The following KLRF2 variants were observed in gnomAD, a reference collection of about 807,000 sequenced individuals.
KLRF2 encodes the protein killer cell lectin-like receptor subfamily F member 2.
In KLRF2, 28 loss-of-function variants were observed where a neutral mutation model predicts 25.3. That is an observed-to-expected ratio of 1.11 (90% CI 0.82 to 1.52). KLRF2 has a LOEUF of 1.52. Among genes scored for constraint, KLRF2 ranks in the 40% most tolerant of loss-of-function variants. The probability of loss-of-function intolerance (pLI) is 0.00; values close to 1 mark genes in which losing one functional copy is unlikely to be tolerated. For missense variants in KLRF2, 265 were observed against 245.8 expected, an observed-to-expected ratio of 1.08 and a Z score of -0.52; for synonymous variants, 73 against 85.0, an observed-to-expected ratio of 0.86 and a Z score of 0.78.
rs1211492206 is a variant in KLRF2 at position 9,881,662 on chromosome 12, A to G, written c.67A>G (p.Lys23Glu). The part of the protein sequence containing the change: ...KNRCKSKQKS[K>E]DFSLYPQYYC... ...TCGTTGTAAATCGAAGCAGAAATCT[A>G]AAGGTAGGAATACTGCTCCCCATCA... The change falls in exon 1 of 6, where the codon AAA becomes GAA. Residue 23 changes from lysine (K) to glutamate (E), a missense_variant. Lys to Glu is a moderately conservative substitution (Grantham distance 56). Transcript: ENST00000535540. The G allele has an allele frequency of 6.5e-7, 1 of 1,533,446 alleles. No individual in the cohort carries two copies. Among genetic ancestry groups the G allele is most frequent in the Non-Finnish European group, 8.7e-7 (1 of 1,144,690 alleles). 95.0% of individuals were successfully genotyped at this position (1,533,446 alleles called of 1,614,324 possible). A position where few individuals can be genotyped will look rare whatever the true frequency, so the allele number is the denominator to read the frequency against.
In KLRF2 at chr12:9,895,814, A is replaced by G. The variant is rs1221479521; in HGVS notation, c.605A>G (p.Asn202Ser). ...CAGAGAGATGCGATCTTGACGCACAATGGAACCAGTGGTGTGTAAATGTAC... is the reference window on the plus strand; with the variant it reads ...CAGAGAGATGCGATCTTGACGCACAGTGGAACCAGTGGTGTGTAAATGTAC... ...ICQRDAILTH[N>S]GTSGV Residue 202 changes from asparagine to serine, a missense_variant, in exon 6 of 6, where the codon AAT becomes AGT. Transcript: ENST00000535540. The G allele has an allele frequency of 5.9e-6, 9 of 1,534,998 alleles. No individual in the cohort carries two copies. Among genetic ancestry groups the G allele is most frequent in the African/African-American group, 1.4e-5 (1 of 72,970 alleles).
At chr12:9,885,399 T>C (rs1322690055) in intron 2 of KLRF2, among the ~76,000 whole-genome samples, 1 of 151,884 alleles carries the variant, frequency 6.6e-6, no homozygotes, top group Non-Finnish European at 1.5e-5. Flanking sequence ...ACTTTTTTCT[T>C]CCTGAAGTGG....
rs1407073781 is a variant in KLRF2 at position 9,882,881 on chromosome 12, T to C, written c.70+1216T>C. Among the ~76,000 whole-genome samples the C allele has an allele frequency of 4.6e-5, 7 of 152,208 alleles. No individual in the cohort carries two copies. In the East Asian group the frequency reaches 1.3e-3, roughly 29 times the overall value. ...CTTCTTAAATCTCAATACTTTGATA[T>C]ATAATAAGAAAAATCTACCTGATGA... On this transcript the variant is annotated intron_variant, in intron 1 of 5. Transcript: ENST00000535540.
chr12:9,888,716 C>T lies in KLRF2; in HGVS notation c.170-17C>T. The T allele has an allele frequency of 2.1e-6, 3 of 1,415,466 alleles. No individual in the cohort carries two copies. Among genetic ancestry groups the T allele is most frequent in the Non-Finnish European group, 2.9e-6 (3 of 1,038,410 alleles). The allele number at this position is 1,415,466 out of a possible 1,614,324, so 87.7% of individuals were successfully genotyped here. On this transcript the variant is annotated splice_polypyrimidine_tract_variant and intron_variant, in intron 2 of 5. Transcript: ENST00000535540. ...TTTTTAAATGTTTCTCATATCTTTT[C>T]TTTGCACTGAGTACAGATAAAAAAA...
chr12:9,881,631 C>A lies in KLRF2; in HGVS notation c.36C>A (p.Phe12Leu). ...ENEDGYMTLS[F>L]KNRCKSKQKS... ...AAGATGGGTATATGACGCTGAGTTTCAAGAATCGTTGTAAATCGAAGCAGA... is the reference window on the plus strand; with the variant it reads ...AAGATGGGTATATGACGCTGAGTTTAAAGAATCGTTGTAAATCGAAGCAGA... The change falls in exon 1 of 6, where the codon TTC (phenylalanine) becomes TTA (leucine). Residue 12 changes from phenylalanine to leucine, a missense_variant. By Grantham distance (22) the Phe-to-Leu change is conservative. Coordinates refer to ENST00000535540, the MANE Select transcript of KLRF2 (RefSeq NM_001190765.1). 6.5e-7 allele frequency: 1 copy of A among 1,535,572 alleles called. No individual in the cohort carries two copies. Among genetic ancestry groups the A allele is most frequent in the Non-Finnish European group, 8.7e-7 (1 of 1,146,534 alleles).
intron 3 of KLRF2, among the ~76,000 whole-genome samples, chr12:9,890,557 C>T (rs918661811): frequency 6.6e-5 from 10 of 152,156 alleles, no homozygotes; most frequent in Non-Finnish European, 1.5e-4. Context: ...TACACCCTCC[C>T]GAAACATGGA....
chr12:9,889,434 G>T (rs988262912), intron 3 of KLRF2, among the ~76,000 whole-genome samples: 3 of 152,060 alleles, frequency 2.0e-5, no homozygotes, highest in African/African-American at 7.2e-5. Context: ...AAAGTGGGTG[G>T]ATCTTATCCA....
intron 2 of KLRF2, among the ~76,000 whole-genome samples, chr12:9,885,594 A>C (rs1862585283): frequency 6.6e-6 from 1 of 151,974 alleles, no homozygotes; most frequent in South Asian, 2.1e-4. Context: ...GTCCTAAAGC[A>C]ACTTCTGTAG....
At chr12:9,891,671 A>T (rs1862677531) in intron 3 of KLRF2, among the ~76,000 whole-genome samples, 1 of 151,934 alleles carries the variant, frequency 6.6e-6, no homozygotes, top group Non-Finnish European at 1.5e-5. Flanking sequence ...AATCTTTTCA[A>T]TTTTTTTTAA....
rs7308413 is a variant in KLRF2 at position 9,888,700 on chromosome 12, G to A, written c.170-33G>A. The A allele has an allele frequency of 3.2e-3, 4,130 of 1,274,268 alleles. 110 individuals are homozygous for A. In the African/African-American group the frequency reaches 0.054, roughly 17 times the overall value. The allele number at this position is 1,274,268 out of a possible 1,614,324, so 78.9% of individuals were successfully genotyped here. ...CCTAGATTGCTATTGATTTTTAAAT[G>A]TTTCTCATATCTTTTCTTTGCACTG... On this transcript the variant is annotated intron_variant, in intron 2 of 5. Transcript: ENST00000535540.
intron 2 of KLRF2, among the ~76,000 whole-genome samples, chr12:9,887,259 A>G (rs1318597785): frequency 1.3e-5 from 2 of 152,196 alleles, no homozygotes; most frequent in Admixed American, 6.5e-5. Flanking sequence ...AAAAACAGAT[A>G]ATACATAGAA....
rs1188653380 is a variant in KLRF2, at chr12:9,881,681, C to T, written c.70+16C>T. The T allele has an allele frequency of 6.6e-7, 1 of 1,513,460 alleles. No homozygotes were observed. Among genetic ancestry groups the T allele is most frequent in the Non-Finnish European group, 8.9e-7 (1 of 1,127,440 alleles). 93.8% of individuals were successfully genotyped at this position (1,513,460 alleles called of 1,614,324 possible). A position where few individuals can be genotyped will look rare whatever the true frequency, so the allele number is the denominator to read the frequency against. On this transcript the variant is annotated intron_variant, in intron 1 of 5. Transcript: ENST00000535540. ...AAATCTAAAGGTAGGAATACTGCTC[C>T]CCATCACCGCATTTAAAATTTCATT...
At chr12:9,882,823 C>T (rs1005611077) in intron 1 of KLRF2, among the ~76,000 whole-genome samples, 3 of 152,082 alleles carry the variant, frequency 2.0e-5, no homozygotes, top group Admixed American at 6.6e-5. Flanking sequence ...AGCCCACAGA[C>T]TAAATGTATG....
intron 5 of KLRF2, 102 bp from the exon 6 acceptor site, chr12:9,895,587 G>T: frequency 9.3e-7 from 1 of 1,075,684 alleles, no homozygotes; most frequent in East Asian, 2.8e-5. Context: ...CAAAACTTTG[G>T]CTGCTGAAGA....
Position 9,895,671 on chromosome 12 carries a change from C to T in KLRF2, c.480-18C>T, listed in dbSNP as rs2137007083. The T allele has an allele frequency of 2.7e-6, 4 of 1,498,038 alleles. No individual in the cohort carries two copies. The African/African-American group carries it at 5.7e-5, about 21-fold the overall frequency. The allele number at this position is 1,498,038 out of a possible 1,614,324, so 92.8% of individuals were successfully genotyped here. ...CATTTTAAGATAAATGCTGAAAAAT[C>T]TGTCCTTTGTCTCTTAGGTTTTCAG... On this transcript the variant is annotated intron_variant, in intron 5 of 5. Coordinates refer to ENST00000535540, the MANE Select transcript of KLRF2 (RefSeq NM_001190765.1).
intron 1 of KLRF2, among the ~76,000 whole-genome samples, chr12:9,882,713 G>A (rs1398247668): frequency 2.6e-5 from 4 of 152,080 alleles, no homozygotes; most frequent in Non-Finnish European, 5.9e-5. Context: ...CCCGGGAGAC[G>A]GAGGTTGCAG....
chr12:9,888,474 A>C (rs1383895448), intron 2 of KLRF2, among the ~76,000 whole-genome samples: 2 of 151,852 alleles, frequency 1.3e-5, no homozygotes, highest in Non-Finnish European at 2.9e-5. Flanking sequence ...TGGGCAACAG[A>C]GTGAGACTCT....
intron 5 of KLRF2, among the ~76,000 whole-genome samples, chr12:9,894,153 T>TCTCTCC (rs536569918): frequency 4.9e-5 from 7 of 144,088 alleles, no homozygotes; most frequent in African/African-American, 1.8e-4. Context: ...TCTCTCTCTC[T>TCTCTCC]CCCTCCCTTC....
chr12:9,885,169 A>T (rs1868136050), intron 2 of KLRF2, 137 bp downstream of exon 2: 2 of 329,492 alleles, frequency 6.1e-6, no homozygotes, highest in South Asian at 3.0e-4. Context: ...TATTAAATTT[A>T]AAAAATTAAA....
Sources: allele counts gnomAD v4.1 joint callset (sites outside exome capture counted in the v4.1 genomes callset), GRCh38; gene constraint gnomAD v4.1.1; transcripts MANE v1.5; gene names NCBI Gene and HGNC (gene_info 2026-07-23, HGNC 2026-07-21).